WDR48: variants seen among roughly 807,000 people sequenced by gnomAD.
WDR48 encodes the protein WD repeat domain 48, also known as WD repeat-containing protein 48.
A neutral mutation model predicts 94.0 loss-of-function variants in WDR48; 22 were observed. The observed-to-expected ratio is 0.23, with a 90% CI of 0.17 to 0.33. The LOEUF (loss-of-function observed/expected upper bound fraction) is 0.33. Among genes scored for constraint, WDR48 ranks in the 10% least tolerant of loss-of-function variants. The pLI, the probability that WDR48 is intolerant of heterozygous loss-of-function variation, is 1.00. For missense variants in WDR48, 541 were observed against 813.8 expected (o/e 0.66, Z 4.08); for synonymous variants, 278 against 280.5 (o/e 0.99, Z 0.09).
At chr3:39,073,572 C>A (rs1004335644) in intron 7 of WDR48, among the ~76,000 whole-genome samples, 1 of 152,170 alleles carries the variant, frequency 6.6e-6, no homozygotes, top group African/African-American at 2.4e-5. Flanking sequence ...CCGGGCCATT[C>A]TTTTTCCTAA....
intron 1 of WDR48, among the ~76,000 whole-genome samples, chr3:39,053,654 G>T (rs1364561398): frequency 6.6e-6 from 1 of 152,130 alleles, no homozygotes; most frequent in Non-Finnish European, 1.5e-5. Context: ...ATTGCATTAA[G>T]ACTTAAAACT....
chr3:39,078,752 G>A (rs1182442606), intron 10 of WDR48, among the ~76,000 whole-genome samples: 1 of 9,622 alleles, frequency 1.0e-4, no homozygotes, highest in East Asian at 4.2e-3. Context: ...CTGTTAATGG[G>A]CCGGGCGCGG....
At chr3:39,075,733 G>C (rs967996587) in intron 8 of WDR48, among the ~76,000 whole-genome samples, 2 of 149,650 alleles carry the variant, frequency 1.3e-5, no homozygotes, top group Non-Finnish European at 3.0e-5. Context: ...TTGCTCTGTT[G>C]CCCAGGCTGG....
chr3:39,066,396 T>C (rs911127626), intron 3 of WDR48, 152 bp from the exon 4 acceptor site: 6 of 652,588 alleles, frequency 9.2e-6, no homozygotes, highest in South Asian at 2.2e-5. Flanking sequence ...TGAGGCAATA[T>C]ACAATAGGTT....
In WDR48 at chr3:39,093,246, C is replaced by T. The variant is rs534294490; in HGVS notation, c.1746-628C>T. Among the ~76,000 whole-genome samples, 15 of 152,248 alleles carry T rather than the reference C, an allele frequency of 9.9e-5. No individual in the cohort carries two copies. The East Asian group carries it at 1.3e-3, about 14-fold the overall frequency. Reference sequence around the variant, plus strand: ...AGGGAAAATTGAGCACTAAGAGTGTCGGACCCTGGTAAGCACTGGGAGCTG... The same window carrying T: ...AGGGAAAATTGAGCACTAAGAGTGTTGGACCCTGGTAAGCACTGGGAGCTG... On this transcript the variant is annotated intron_variant, in intron 17 of 18. Coordinates refer to ENST00000302313, the MANE Select transcript of WDR48 (RefSeq NM_020839.4).
chr3:39,066,978 C>T, intron 5 of WDR48, 103 bp downstream of exon 5: 2 of 1,399,654 alleles, frequency 1.4e-6, no homozygotes, highest in Non-Finnish European at 1.9e-6. Flanking sequence ...GAGAGTGTTT[C>T]ATATTTTGAG....
chr3:39,078,644 C>T (rs1255315705), intron 10 of WDR48, among the ~76,000 whole-genome samples: 1 of 151,936 alleles, frequency 6.6e-6, no homozygotes, highest in African/African-American at 2.4e-5. Flanking sequence ...GTCTCAAACT[C>T]CTGACCTCAA....
At chr3:39,088,066 T>A (rs1169651743) in intron 14 of WDR48, 62 bp from the exon 15 acceptor site, 1 of 1,492,168 alleles carries the variant, frequency 6.7e-7, no homozygotes, top group East Asian at 2.3e-5. Context: ...GGGAGTAAAA[T>A]GTTTAGAATC....
At chr3:39,090,878 A>G (rs1486662245) in intron 16 of WDR48, 4 of 152,336 alleles carry the variant, frequency 2.6e-5, no homozygotes, top group African/African-American at 7.2e-5. Flanking sequence ...TGGATATTCC[A>G]TGGTCTTCTC....
At chr3:39,077,309 C>T (rs2125665756) in intron 9 of WDR48, 96 bp downstream of exon 9, 3 of 1,343,644 alleles carry the variant, frequency 2.2e-6, no homozygotes, top group South Asian at 2.5e-5. Context: ...GTGGCCCTAA[C>T]TCTAGCATGC....
intron 1 of WDR48, among the ~76,000 whole-genome samples, chr3:39,053,913 T>TA (rs780830956): frequency 1.3e-5 from 2 of 152,170 alleles, no homozygotes; most frequent in Non-Finnish European, 2.9e-5. Context: ...AGTACAAAAT[T>TA]AGAGTTTGGT....
At position 39,088,342 on chromosome 3, in the gene WDR48, C is replaced by G. The variant is rs1575434110; in HGVS notation, c.1580+109C>G. ...ATTAGAAATAGTTTATTATTAAATT[C>G]TAGGGATGCCAGGGATTGGAAGCAT... On this transcript the variant is annotated intron_variant, in intron 15 of 18. Transcript: ENST00000302313. 3 of 1,093,364 alleles carry G rather than the reference C, an allele frequency of 2.7e-6. No individual in the cohort carries two copies. In the East Asian group the frequency reaches 7.8e-5, roughly 28 times the overall value. 67.7% of individuals were successfully genotyped at this position (1,093,364 alleles called of 1,614,324 possible).
chr3:39,084,945 C>T (rs1007247867), intron 13 of WDR48, among the ~76,000 whole-genome samples: 1 of 152,098 alleles, frequency 6.6e-6, no homozygotes, highest in African/African-American at 2.4e-5. Context: ...ATCTGATTCT[C>T]GGCCAGGCGC....
rs576514228 is a variant in WDR48 at position 39,093,230 on chromosome 3, T to G, written c.1746-644T>G. ...GTGGGGAGGAGAGCCCAGGGAAAAT[T>G]GAGCACTAAGAGTGTCGGACCCTGG... On this transcript the variant is annotated intron_variant, in intron 17 of 18. Coordinates refer to ENST00000302313, the MANE Select transcript of WDR48 (RefSeq NM_020839.4). Among the ~76,000 whole-genome samples, 161 of 152,304 alleles carry G rather than the reference T, an allele frequency of 1.1e-3. 1 individual carries two copies. The South Asian group carries it at 0.019, about 18-fold the overall frequency.
At chr3:39,093,701 AG>A (rs2035203631) in intron 17 of WDR48, among the ~76,000 whole-genome samples, 172 bp from the exon 18 acceptor site, 1 of 152,272 alleles carries the variant, frequency 6.6e-6, no homozygotes, top group Non-Finnish European at 1.5e-5. Context: ...GTGTCTTAGA[AG>A]GACACTGTAG....
At chr3:39,056,697 G>A (rs1445910138) in intron 1 of WDR48, among the ~76,000 whole-genome samples, 1 of 152,214 alleles carries the variant, frequency 6.6e-6, no homozygotes, top group Non-Finnish European at 1.5e-5. Flanking sequence ...TAAATCAAGT[G>A]TAAATGTGGA....
intron 17 of WDR48, among the ~76,000 whole-genome samples, chr3:39,092,608 T>A (rs994938479): frequency 1.3e-5 from 2 of 152,186 alleles, no homozygotes; most frequent in African/African-American, 4.8e-5. Context: ...CCAGAAACTT[T>A]TGAGCCAATG....
In WDR48 at chr3:39,095,560, G is replaced by A. The variant is rs538244059; in HGVS notation, c.*817G>A. ...AGCTGAGACCACAGGTTCTTGCTCT[G>A]GATGAGCAGCATGACACCATCAAAA... On this transcript the variant is annotated 3_prime_UTR_variant, in exon 19 of 19. Coordinates refer to ENST00000302313, the MANE Select transcript of WDR48 (RefSeq NM_020839.4). 10 of 152,290 alleles carry A rather than the reference G, an allele frequency of 6.6e-5. No individual in the cohort carries two copies. Among genetic ancestry groups the A allele is most frequent in the African/African-American group, 2.4e-4 (10 of 41,550 alleles). 9.4% of individuals were successfully genotyped at this position (152,290 alleles called of 1,614,324 possible).
At chr3:39,060,513 T>C (rs2033192822) in intron 1 of WDR48, among the ~76,000 whole-genome samples, 1 of 152,154 alleles carries the variant, frequency 6.6e-6, no homozygotes, top group South Asian at 2.1e-4. Context: ...TGTAACATTA[T>C]TGTGAATGCC....
Sources: gnomAD v4.1 joint callset for allele counts (sites outside exome capture counted in the v4.1 genomes callset) on GRCh38, gnomAD v4.1.1 for gene constraint, MANE v1.5 for transcripts, NCBI Gene and HGNC (gene_info 2026-07-23, HGNC 2026-07-21) for gene names.